Variants in PSME3 observed in about 807,000 individuals in gnomAD.
PSME3 encodes proteasome activator subunit 3.
In PSME3, 7 loss-of-function variants were observed where a neutral mutation model predicts 38.3. The ratio of observed to expected loss-of-function variants is 0.18; its 90% CI spans 0.10 to 0.34. The LOEUF (loss-of-function observed/expected upper bound fraction) is 0.34, where lower values mean the gene tolerates loss of function less well. Among genes scored for constraint, PSME3 ranks in the 10% least tolerant of loss-of-function variants. The pLI, the probability that PSME3 is intolerant of heterozygous loss-of-function variation, is 1.00. For synonymous variants in PSME3, 108 were observed against 105.7 expected, an observed-to-expected ratio of 1.02 and a Z score of -0.13; for missense variants, 192 against 307.6, an observed-to-expected ratio of 0.62 and a Z score of 2.81.
At chr17:42,836,575 G>A (rs767419423) in intron 4 of PSME3, among the ~76,000 whole-genome samples, 3 of 152,152 alleles carry the variant, frequency 2.0e-5, no homozygotes, top group South Asian at 2.1e-4. Flanking sequence ...CTTTCTCTGA[G>A]GGGGAACCCA....
At chr17:42,839,065 A>AC in intron 8 of PSME3, 47 bp from the exon 9 acceptor site, 1 of 1,597,958 alleles carries the variant, frequency 6.3e-7, no homozygotes, top group South Asian at 1.1e-5. Flanking sequence ...GGTGGTGGGC[A>AC]CCATCAAGGG....
intron 1 of PSME3, 188 bp downstream of exon 1, chr17:42,833,861 C>G (rs914748195): frequency 1.3e-6 from 2 of 1,495,240 alleles, no homozygotes; most frequent in Non-Finnish European, 1.8e-6. Context: ...GCTTTCTGTA[C>G]CGCGTCTGAT....
intron 4 of PSME3, among the ~76,000 whole-genome samples, chr17:42,836,197 GT>G (rs1235851215): frequency 6.6e-6 from 1 of 151,812 alleles, no homozygotes; most frequent in African/African-American, 2.4e-5. Context: ...TGGAGACAGG[GT>G]TTCACCATGT....
At chr17:42,838,820 A>G (rs1283136353) in intron 7 of PSME3, 21 bp downstream of exon 7, 2 of 1,581,732 alleles carry the variant, frequency 1.3e-6, no homozygotes, top group East Asian at 2.2e-5. Flanking sequence ...TGAATTACAT[A>G]CTGGGAAGAG....
chr17:42,839,096 T>C lies in PSME3; in HGVS notation c.543-16T>C. 6.3e-7 allele frequency: 1 copy of C among 1,588,248 alleles called. No homozygotes were observed. The highest frequency in any genetic ancestry group is 1.1e-5 in the South Asian group (1 of 90,564). ...AAGGGTCTCCTGCATCTTCCTCCTC[T>C]TCTCTCTCTTTCCAGATATTATATT... is the stretch of plus-strand genomic sequence containing the variant. On this transcript the variant is annotated splice_polypyrimidine_tract_variant and intron_variant, in intron 8 of 10. Coordinates refer to ENST00000590720, the MANE Select transcript of PSME3 (RefSeq NM_005789.4).
At position 42,842,794 on chromosome 17, in the gene PSME3, G is replaced by A. The variant is rs1468381082; in HGVS notation, c.*1216G>A. On this transcript the variant is annotated 3_prime_UTR_variant, in exon 11 of 11. Transcript: ENST00000590720. ...TCACTTAATTGTTAACAGCTTTTGT[G>A]TTAATCCCCTTCAGCCCCTAGCTCT... 6.5e-6 allele frequency: 1 copy of A among 152,760 alleles called. No homozygotes were observed. The highest frequency in any genetic ancestry group is 1.5e-5 in the Non-Finnish European group (1 of 68,036). The allele number at this position is 152,760 out of a possible 1,614,324, so 9.5% of individuals were successfully genotyped here. A position where few individuals can be genotyped will look rare whatever the true frequency, so the allele number is the denominator to read the frequency against.
rs753075578 is a variant in PSME3, at chr17:42,833,911, G to T, written c.42+238G>T. The T allele has an allele frequency of 2.8e-6, 4 of 1,449,768 alleles. No homozygotes were observed. The Admixed American group carries it at 7.9e-5, about 29-fold the overall frequency. 89.8% of individuals were successfully genotyped at this position (1,449,768 alleles called of 1,614,324 possible). A position where few individuals can be genotyped will look rare whatever the true frequency, so the allele number is the denominator to read the frequency against. Reference sequence around the variant, plus strand: ...GGGACACCTCCGCGGACACGTGTTGGACTCAGGGCTTTAGGCCCGTGACAG... The same window carrying T: ...GGGACACCTCCGCGGACACGTGTTGTACTCAGGGCTTTAGGCCCGTGACAG... On this transcript the variant is annotated intron_variant, in intron 1 of 10. Coordinates refer to ENST00000590720, the MANE Select transcript of PSME3 (RefSeq NM_005789.4).
chr17:42,834,107 C>A lies in PSME3; in HGVS notation c.43-237C>A, dbSNP rs371475034. Reference sequence around the variant, plus strand: ...TATCAAATTCAGACAGCTTCAGACACAGGAGGAAGGGAGGGAAGGGGGAGG... The same window carrying A: ...TATCAAATTCAGACAGCTTCAGACAAAGGAGGAAGGGAGGGAAGGGGGAGG... On this transcript the variant is annotated intron_variant, in intron 1 of 10. Transcript: ENST00000590720. 158 of 1,453,912 alleles carry A rather than the reference C, an allele frequency of 1.1e-4. 1 individual carries two copies. The East Asian group carries it at 1.1e-3, about 10-fold the overall frequency. 90.1% of individuals were successfully genotyped at this position (1,453,912 alleles called of 1,614,324 possible).
In PSME3 at chr17:42,833,549, G is replaced by A. The variant is rs1365131929; in HGVS notation, c.-83G>A. Reference sequence around the variant, plus strand: ...GCGGTCGGGTCCCGAGGTCAGCCGAGATTTCTCAGGTCCCTCCGGCCCCCT... The same window carrying A: ...GCGGTCGGGTCCCGAGGTCAGCCGAAATTTCTCAGGTCCCTCCGGCCCCCT... On this transcript the variant is annotated 5_prime_UTR_variant, in exon 1 of 11. Transcript: ENST00000590720. 2 of 1,579,698 alleles carry A rather than the reference G, an allele frequency of 1.3e-6. No individual in the cohort carries two copies. Among genetic ancestry groups the A allele is most frequent in the African/African-American group, 2.7e-5 (2 of 74,102 alleles).
intron 1 of PSME3, chr17:42,833,929 C>G: frequency 2.1e-6 from 3 of 1,441,154 alleles, no homozygotes; most frequent in Admixed American, 2.8e-5. Context: ...GCTTTAGGCC[C>G]GTGACAGCTG....
intron 4 of PSME3, among the ~76,000 whole-genome samples, chr17:42,836,547 G>A (rs2055466550): frequency 6.6e-6 from 1 of 152,036 alleles, no homozygotes; most frequent in Non-Finnish European, 1.5e-5. Context: ...TTTGCTTTGT[G>A]GTAAGAACCT....
intron 1 of PSME3, 43 bp from the exon 2 acceptor site, chr17:42,834,301 C>T (rs1422483764): frequency 6.2e-7 from 1 of 1,613,550 alleles, no homozygotes; most frequent in South Asian, 1.1e-5. Context: ...CCTGCTCTTA[C>T]CTCTGTCCCC....
chr17:42,834,076 T>C (rs1416378271), intron 1 of PSME3: 2 of 1,444,998 alleles, frequency 1.4e-6, no homozygotes, highest in East Asian at 2.5e-5. Flanking sequence ...CTGTCTTTTG[T>C]CTGCTTATCA....
intron 7 of PSME3, 22 bp downstream of exon 7, chr17:42,838,821 C>G: frequency 3.2e-6 from 5 of 1,580,900 alleles, no homozygotes; most frequent in Non-Finnish European, 4.3e-6. Context: ...GAATTACATA[C>G]TGGGAAGAGT....
chr17:42,837,941 C>G, intron 5 of PSME3, 152 bp from the exon 6 acceptor site: 1 of 900,504 alleles, frequency 1.1e-6, no homozygotes, highest in Non-Finnish European at 1.7e-6. Context: ...TTTTTCCATA[C>G]ATTCTCGTTG....
intron 1 of PSME3, 190 bp downstream of exon 1, chr17:42,833,863 G>T: frequency 6.7e-7 from 1 of 1,492,478 alleles, no homozygotes; most frequent in Non-Finnish European, 8.9e-7. Context: ...TTTCTGTACC[G>T]CGTCTGATGA....
Position 42,833,563 on chromosome 17 carries a change from C to T in PSME3, c.-69C>T, listed in dbSNP as rs1196039571. ...AGGTCAGCCGAGATTTCTCAGGTCCCTCCGGCCCCCTCCCTGGAGTCCACA... is the reference window on the plus strand; with the variant it reads ...AGGTCAGCCGAGATTTCTCAGGTCCTTCCGGCCCCCTCCCTGGAGTCCACA... On this transcript the variant is annotated 5_prime_UTR_variant, in exon 1 of 11. Transcript: ENST00000590720. 1 of 1,603,612 alleles carries T rather than the reference C, an allele frequency of 6.2e-7. No individual in the cohort carries two copies. Among genetic ancestry groups the T allele is most frequent in the Non-Finnish European group, 8.5e-7 (1 of 1,171,636 alleles).
chr17:42,836,924 A>G (rs1251559385), intron 4 of PSME3, among the ~76,000 whole-genome samples: 2 of 150,046 alleles, frequency 1.3e-5, no homozygotes, highest in African/African-American at 4.9e-5. Context: ...CTTGTCACAT[A>G]GGCTGGAGTG....
rs111608189 is a variant in PSME3 at position 42,836,386 on chromosome 17, A to C, written c.244-1263A>C. On this transcript the variant is annotated intron_variant, in intron 4 of 10. Transcript: ENST00000590720. ...AGCAATTGCTGAATACATGTTTGTT[A>C]ACTGAATAATGTGTTCCTTTGTGGA... 4.7e-3 allele frequency among the ~76,000 whole-genome samples: 721 copies of C among 152,288 alleles called. 3 individuals are homozygous for C. Among genetic ancestry groups the C allele is most frequent in the Non-Finnish European group, 8.5e-3 (580 of 68,014 alleles).
Sources: gnomAD v4.1 joint callset for allele counts (sites outside exome capture counted in the v4.1 genomes callset) on GRCh38, gnomAD v4.1.1 for gene constraint, MANE v1.5 for transcripts, NCBI Gene and HGNC (gene_info 2026-07-23, HGNC 2026-07-21) for gene names.